Variants in EMID1 observed in about 807,000 individuals in gnomAD.
The protein encoded by EMID1 is EMI domain-containing protein 1.
EMID1 carries 40 observed loss-of-function variants against 60.6 expected under a neutral mutation model. The ratio of observed to expected loss-of-function variants is 0.66; its 90% CI spans 0.51 to 0.86. The LOEUF (loss-of-function observed/expected upper bound fraction) is 0.86. Ranked by LOEUF, EMID1 falls within the 40% of genes least tolerant of loss-of-function variation. The pLI is 0.00. For synonymous variants in EMID1, 242 were observed against 231.0 expected (o/e 1.05, Z -0.43); for missense variants, 585 against 597.1 (o/e 0.98, Z 0.21).
At chr22:29,257,248 C>T (rs2041737028) in intron 14 of EMID1, among the ~76,000 whole-genome samples, 1 of 152,130 alleles carries the variant, frequency 6.6e-6, no homozygotes, top group Non-Finnish European at 1.5e-5. Flanking sequence ...TGGGACCCTC[C>T]CCATTGGCGC....
intron 14 of EMID1, chr22:29,254,692 C>T (rs2041641322): frequency 4.5e-6 from 1 of 220,656 alleles, no homozygotes. Flanking sequence ...GGAATCCAAT[C>T]ACAGCTCAGG....
chr22:29,231,209 G>A (rs1317215171), intron 6 of EMID1, 69 bp downstream of exon 6: 3 of 1,525,296 alleles, frequency 2.0e-6, no homozygotes, highest in Non-Finnish European at 2.6e-6. Flanking sequence ...GTGGGATTCT[G>A]GTCCCCACCC....
At chr22:29,248,867 G>C (rs2146419568) in intron 13 of EMID1, among the ~76,000 whole-genome samples, 1 of 152,028 alleles carries the variant, frequency 6.6e-6, no homozygotes, top group East Asian at 1.9e-4. Context: ...GTAAAATATA[G>C]TAAATACTAG....
Position 29,233,444 on chromosome 22 carries a change from C to T in EMID1, c.889C>T (p.Pro297Ser). The change falls in exon 9 of 15, where the codon CCT becomes TCT. Residue 297 changes from proline (P) to serine (S), a missense_variant. Pro to Ser is a moderately conservative substitution (Grantham distance 74, BLOSUM62 -1). Transcript: ENST00000334018. ...NNHWPQGPTG[P>S]PGPPGPMGPP... ...CCACTGGCCCCAGGGACCCACTGGG[C>T]CTCCAGGCCCTCCAGGGCCCATGGG... is the stretch of plus-strand genomic sequence containing the variant. The T allele has an allele frequency of 1.2e-6, 2 of 1,614,212 alleles. No homozygotes were observed. The highest frequency in any genetic ancestry group is 1.7e-6 in the Non-Finnish European group (2 of 1,180,012).
intron 3 of EMID1, among the ~76,000 whole-genome samples, chr22:29,222,351 C>T (rs1226360797): frequency 1.3e-5 from 2 of 151,648 alleles, no homozygotes; most frequent in Admixed American, 1.3e-4. Flanking sequence ...ACTTCAGCCT[C>T]CCAAAGTGCT....
intron 3 of EMID1, among the ~76,000 whole-genome samples, chr22:29,222,195 G>T (rs1364893523): frequency 6.6e-6 from 1 of 152,086 alleles, no homozygotes; most frequent in East Asian, 1.9e-4. Flanking sequence ...CCAAGTTCAA[G>T]CTATCCTCCC....
intron 1 of EMID1, among the ~76,000 whole-genome samples, chr22:29,211,939 A>AT (rs2039902076): frequency 1.6e-5 from 2 of 126,944 alleles, no homozygotes; most frequent in Admixed American, 7.4e-5. Flanking sequence ...AAAGGGGCTT[A>AT]TGCCCCCACT....
intron 12 of EMID1, among the ~76,000 whole-genome samples, chr22:29,242,643 A>G (rs1434578707): frequency 6.6e-6 from 1 of 152,208 alleles, no homozygotes; most frequent in Admixed American, 6.5e-5. Flanking sequence ...TATCTCCTGA[A>G]GAGTATTGAG....
rs982660696 is a variant in EMID1 at position 29,238,503 on chromosome 22, C to T, written c.1074+4154C>T. On this transcript the variant is annotated intron_variant, in intron 12 of 14. Coordinates refer to ENST00000334018, the MANE Select transcript of EMID1 (RefSeq NM_133455.4). ...TGTGATCTTGGCTCACTGCAACCTC[C>T]GCTTCCTGGGTTCAAGCGATTCTCC... 1.4e-4 allele frequency among the ~76,000 whole-genome samples: 20 copies of T among 142,008 alleles called. 2 individuals carry two copies. The highest frequency in any genetic ancestry group is 4.9e-4 in the Admixed American group (7 of 14,422). The allele number at this position is 142,008 out of a possible 152,430, so 93.2% of individuals were successfully genotyped here.
At chr22:29,220,372 C>A (rs1381294672) in intron 3 of EMID1, among the ~76,000 whole-genome samples, 1 of 152,220 alleles carries the variant, frequency 6.6e-6, no homozygotes, top group Non-Finnish European at 1.5e-5. Flanking sequence ...ATAGACTAAG[C>A]CTTCCTGGAG....
In EMID1 at chr22:29,259,217, C is replaced by T. The variant is rs758001491; in HGVS notation, c.*273C>T. The T allele has an allele frequency of 2.9e-4, 138 of 475,998 alleles. 1 individual carries two copies. Among genetic ancestry groups the T allele is most frequent in the Non-Finnish European group, 4.6e-4 (125 of 273,066 alleles). 29.5% of individuals were successfully genotyped at this position (475,998 alleles called of 1,614,324 possible). Reference sequence around the variant, plus strand: ...GAGGGATAGAGGTACAAGGCTTCGTCTCATCTGCTGTCTGAGCATCCAGGC... The same window carrying T: ...GAGGGATAGAGGTACAAGGCTTCGTTTCATCTGCTGTCTGAGCATCCAGGC... On this transcript the variant is annotated 3_prime_UTR_variant, in exon 15 of 15. Coordinates refer to ENST00000334018, the MANE Select transcript of EMID1 (RefSeq NM_133455.4).
chr22:29,210,036 A>G (rs1055448742), intron 1 of EMID1, among the ~76,000 whole-genome samples: 22 of 151,814 alleles, frequency 1.4e-4, no homozygotes, highest in Non-Finnish European at 5.9e-5. Context: ...TGATGCTAGG[A>G]GTCCTGGGGC....
intron 1 of EMID1, among the ~76,000 whole-genome samples, chr22:29,206,458 G>C (rs1023377353): frequency 1.3e-5 from 2 of 152,204 alleles, no homozygotes; most frequent in Admixed American, 1.3e-4. Flanking sequence ...ACTTGGGAAA[G>C]GCCTATGACA....
rs543639528 is a variant in EMID1, at chr22:29,259,229, C to T, written c.*285C>T. 4.6e-6 allele frequency: 2 copies of T among 438,124 alleles called. No individual in the cohort carries two copies. Among genetic ancestry groups the T allele is most frequent in the Non-Finnish European group, 8.1e-6 (2 of 248,246 alleles). The allele number at this position is 438,124 out of a possible 1,614,324, so 27.1% of individuals were successfully genotyped here. On this transcript the variant is annotated 3_prime_UTR_variant, in exon 15 of 15. Transcript: ENST00000334018. The stretch of plus-strand genomic sequence containing the variant: ...TACAAGGCTTCGTCTCATCTGCTGT[C>T]TGAGCATCCAGGCCCAAAGGCACTG...
In EMID1 at chr22:29,259,036, A is replaced by C; in HGVS notation, c.*92A>C. On this transcript the variant is annotated 3_prime_UTR_variant, in exon 15 of 15. Coordinates refer to ENST00000334018, the MANE Select transcript of EMID1 (RefSeq NM_133455.4). The stretch of plus-strand genomic sequence containing the variant: ...CTCCAGGGACCGCCCGTCCATATTT[A>C]TTAATGTCCTCAGGGTCCCTTCTGC... 1 of 1,525,738 alleles carries C rather than the reference A, an allele frequency of 6.6e-7. No individual in the cohort carries two copies. Among genetic ancestry groups the C allele is most frequent in the Non-Finnish European group, 8.8e-7 (1 of 1,137,532 alleles). 94.5% of individuals were successfully genotyped at this position (1,525,738 alleles called of 1,614,324 possible). A position where few individuals can be genotyped will look rare whatever the true frequency, so the allele number is the denominator to read the frequency against.
chr22:29,224,322 G>GA (rs1221809082), intron 3 of EMID1, among the ~76,000 whole-genome samples: 2 of 152,226 alleles, frequency 1.3e-5, no homozygotes, highest in Non-Finnish European at 2.9e-5. Context: ...AAGGCCTGGG[G>GA]GGCTGAGGGG....
intron 12 of EMID1, among the ~76,000 whole-genome samples, chr22:29,235,373 A>G (rs568053454): frequency 2.0e-5 from 3 of 150,276 alleles, no homozygotes; most frequent in African/African-American, 7.3e-5. Flanking sequence ...AAAAAAGTGC[A>G]TCATATGACT....
chr22:29,246,697 A>G (rs2041344340), intron 13 of EMID1, among the ~76,000 whole-genome samples: 1 of 152,216 alleles, frequency 6.6e-6, no homozygotes, highest in African/African-American at 2.4e-5. Flanking sequence ...TCCGGAGTGC[A>G]GAGGGCAGGC....
rs981993205 is a variant in EMID1 at position 29,238,521 on chromosome 22, G to A, written c.1074+4172G>A. On this transcript the variant is annotated intron_variant, in intron 12 of 14. Transcript: ENST00000334018. ...CAACCTCCGCTTCCTGGGTTCAAGC[G>A]ATTCTCCTGCCTCAGCCTCCCAAAT... Among the ~76,000 whole-genome samples the A allele has an allele frequency of 3.5e-5, 5 of 142,062 alleles. 1 individual carries two copies. The highest frequency in any genetic ancestry group is 8.4e-5 in the African/African-American group (3 of 35,616). 93.2% of individuals were successfully genotyped at this position (142,062 alleles called of 152,430 possible).
Sources: allele counts gnomAD v4.1 joint callset (sites outside exome capture counted in the v4.1 genomes callset), GRCh38; gene constraint gnomAD v4.1.1; transcripts MANE v1.5; gene names NCBI Gene and HGNC (gene_info 2026-07-23, HGNC 2026-07-21).